Variants in SVEP1 observed in about 807,000 individuals in gnomAD.
The protein encoded by SVEP1 is sushi, von Willebrand factor type A, EGF and pentraxin domain-containing protein 1.
Under a neutral mutation model 367.3 loss-of-function variants are expected in SVEP1, and 164 were observed. That is an observed-to-expected ratio of 0.45 (90% CI 0.39 to 0.51). SVEP1 has a LOEUF of 0.51. Among genes scored for constraint, SVEP1 ranks in the 20% least tolerant of loss-of-function variants. The pLI, the probability that SVEP1 is intolerant of heterozygous loss-of-function variation, is 0.00. For missense variants in SVEP1, 4,117 were observed against 4,425.3 expected, an observed-to-expected ratio of 0.93 and a Z score of 1.98; for synonymous variants, 1,666 against 1,611.6, an observed-to-expected ratio of 1.03 and a Z score of -0.81.
chr9:110,366,327 A>T lies in SVEP1; in HGVS notation c.*212T>A. 1 of 413,340 alleles carries T rather than the reference A, an allele frequency of 2.4e-6. No individual in the cohort carries two copies. Among genetic ancestry groups the T allele is most frequent in the Non-Finnish European group, 4.2e-6 (1 of 235,524 alleles). The allele number at this position is 413,340 out of a possible 1,614,324, so 25.6% of individuals were successfully genotyped here. On this transcript the variant is annotated 3_prime_UTR_variant, in exon 48 of 48. Transcript: ENST00000374469. ...TTAATATAATTTTTATATAGAAAATACAGGCATATTTAAAAATGGAAACAT... is the reference window on the plus strand; with the variant it reads ...TTAATATAATTTTTATATAGAAAATTCAGGCATATTTAAAAATGGAAACAT...
intron 1 of SVEP1, among the ~76,000 whole-genome samples, chr9:110,578,803 C>T (rs12237289): frequency 0.2 from 29,936 of 152,060 alleles, 3,064 homozygotes; most frequent in East Asian, 0.28. Flanking sequence ...GCCTGACATC[C>T]CTCTAAGCGT....
chr9:110,455,089 T>TG (rs1447399923), intron 22 of SVEP1, among the ~76,000 whole-genome samples: 33 of 152,220 alleles, frequency 2.2e-4, no homozygotes, highest in African/African-American at 7.7e-4. Flanking sequence ...CAAGGATACA[T>TG]GCGCCTGAAG....
intron 30 of SVEP1, 72 bp downstream of exon 30, chr9:110,434,264 C>A: frequency 6.9e-7 from 1 of 1,456,692 alleles, no homozygotes; most frequent in Admixed American, 2.2e-5. Flanking sequence ...CTTTGTCTAG[C>A]ATTCCTGAAA....
chr9:110,402,083 C>T (rs553769293), intron 39 of SVEP1, among the ~76,000 whole-genome samples: 1 of 152,026 alleles, frequency 6.6e-6, no homozygotes, highest in African/African-American at 2.4e-5. Flanking sequence ...TATTATAACA[C>T]CAGTAACTGT....
chr9:110,512,601 T>A (rs557108497), intron 5 of SVEP1, among the ~76,000 whole-genome samples: 3 of 152,280 alleles, frequency 2.0e-5, no homozygotes, highest in African/African-American at 7.2e-5. Context: ...GAGGCATCAG[T>A]CTCCACTCTG....
At chr9:110,409,068 AG>A (rs1322443087) in intron 37 of SVEP1, 117 bp from the exon 38 acceptor site, 1 of 1,124,420 alleles carries the variant, frequency 8.9e-7, no homozygotes, top group African/African-American at 1.6e-5. Flanking sequence ...TCAATTAGGA[AG>A]TAAGCAAATA....
intron 18 of SVEP1, among the ~76,000 whole-genome samples, chr9:110,464,508 T>G (rs1187351971): frequency 1.3e-5 from 2 of 152,190 alleles, no homozygotes; most frequent in African/African-American, 4.8e-5. Flanking sequence ...AAACGCCCCT[T>G]CCTGCCCTTG....
intron 45 of SVEP1, 192 bp downstream of exon 45, chr9:110,377,079 G>A (rs1024061510): frequency 4.3e-6 from 2 of 462,978 alleles, no homozygotes; most frequent in East Asian, 6.3e-5. Flanking sequence ...CTTAATAACA[G>A]TATTTTCAAA....
At chr9:110,379,277 G>T in intron 44 of SVEP1, 70 bp downstream of exon 44, 1 of 1,530,206 alleles carries the variant, frequency 6.5e-7, no homozygotes, top group Non-Finnish European at 8.9e-7. Flanking sequence ...TTAATTGCTG[G>T]ACAAATCAGA....
At chr9:110,371,538 TCCCTTGTATGTTTCTGCTTATCACTC>T (rs1248535397) in intron 46 of SVEP1, among the ~76,000 whole-genome samples, 5 of 152,122 alleles carry the variant, frequency 3.3e-5, no homozygotes, top group East Asian at 3.9e-4. Context: ...GCTTATCACT[TCCCTTGTATGTTTCTGCTTATCACTC>T]CCCTTGTATG....
intron 1 of SVEP1, among the ~76,000 whole-genome samples, chr9:110,561,171 T>A (rs2118870001): frequency 6.6e-6 from 1 of 152,258 alleles, no homozygotes; most frequent in East Asian, 1.9e-4. Context: ...CACCATGCGT[T>A]CTTGATGTTT....
intron 36 of SVEP1, among the ~76,000 whole-genome samples, chr9:110,416,605 T>C (rs1269429809): frequency 6.6e-6 from 1 of 151,808 alleles, no homozygotes; most frequent in Non-Finnish European, 1.5e-5. Flanking sequence ...GCAGTGAAAA[T>C]GACTGAGAAT....
chr9:110,568,284 CT>C (rs1222281975), intron 1 of SVEP1, among the ~76,000 whole-genome samples: 3 of 152,180 alleles, frequency 2.0e-5, no homozygotes, highest in African/African-American at 7.2e-5. Context: ...CGCTCAAGTT[CT>C]AAGAGTGCAC....
At chr9:110,442,558 T>A (rs573419951) in intron 27 of SVEP1, 1 of 151,824 alleles carries the variant, frequency 6.6e-6, no homozygotes, top group African/African-American at 2.4e-5. Context: ...CCTCCTGGGT[T>A]CAAGCGATTC....
intron 3 of SVEP1, among the ~76,000 whole-genome samples, chr9:110,515,281 TG>T (rs1829784826): frequency 6.6e-6 from 1 of 150,848 alleles, no homozygotes. Context: ...CCAAGCAATG[TG>T]CATTTATGTG....
intron 36 of SVEP1, among the ~76,000 whole-genome samples, chr9:110,425,973 G>T (rs1322021224): frequency 6.6e-6 from 1 of 152,128 alleles, no homozygotes; most frequent in African/African-American, 2.4e-5. Flanking sequence ...AAAAGCCCCA[G>T]CAATAGTCAA....
intron 3 of SVEP1, among the ~76,000 whole-genome samples, chr9:110,522,621 T>C (rs574484985): frequency 6.6e-6 from 1 of 152,318 alleles, no homozygotes; most frequent in East Asian, 1.9e-4. Flanking sequence ...AGAATCGGCA[T>C]ATGTCAGCCC....
chr9:110,510,187 G>A (rs910378074), intron 5 of SVEP1, among the ~76,000 whole-genome samples: 13 of 152,252 alleles, frequency 8.5e-5, no homozygotes, highest in Non-Finnish European at 1.0e-4. Context: ...GAGCCACAGG[G>A]GCATAACTAC....
intron 18 of SVEP1, among the ~76,000 whole-genome samples, chr9:110,464,860 C>A (rs1828910876): frequency 6.6e-6 from 1 of 152,138 alleles, no homozygotes; most frequent in South Asian, 2.1e-4. Context: ...ATTGACTTTG[C>A]AAATTACAGT....
Sources: gnomAD v4.1 joint callset for allele counts (sites outside exome capture counted in the v4.1 genomes callset) on GRCh38, gnomAD v4.1.1 for gene constraint, MANE v1.5 for transcripts, NCBI Gene and HGNC (gene_info 2026-07-23, HGNC 2026-07-21) for gene names.